Variants in ELMO1 observed in about 807,000 individuals in gnomAD.
ELMO1 encodes the protein engulfment and cell motility protein 1.
ELMO1 carries 26 observed loss-of-function variants against 98.9 expected under a neutral mutation model. That is an observed-to-expected ratio of 0.26 (90% CI 0.19 to 0.36). The LOEUF (loss-of-function observed/expected upper bound fraction) is 0.36. ELMO1 is among the 10% of genes least tolerant of loss of function. The pLI, the probability that ELMO1 is intolerant of heterozygous loss-of-function variation, is 1.00. For synonymous variants in ELMO1, 346 were observed against 346.0 expected, an observed-to-expected ratio of 1.00 and a Z score of 0.00; for missense variants, 627 against 935.2, an observed-to-expected ratio of 0.67 and a Z score of 4.30.
chr7:37,355,531 G>C (rs1801462223), intron 1 of ELMO1, among the ~76,000 whole-genome samples: 1 of 152,214 alleles, frequency 6.6e-6, no homozygotes, highest in Non-Finnish European at 1.5e-5. Context: ...GGAGTTTTTA[G>C]ATTTGAAGTT....
intron 15 of ELMO1, among the ~76,000 whole-genome samples, chr7:37,059,664 A>C: frequency 6.6e-6 from 1 of 152,214 alleles, no homozygotes; most frequent in East Asian, 1.9e-4. Context: ...AGTCATGTGC[A>C]GGAGGCCCCA....
At chr7:37,287,692 T>A (rs927050728) in intron 4 of ELMO1, among the ~76,000 whole-genome samples, 8 of 152,212 alleles carry the variant, frequency 5.3e-5, no homozygotes, top group Non-Finnish European at 1.2e-4. Flanking sequence ...AACCCCAGGA[T>A]AAAATAGTAG....
chr7:37,016,353 C>T (rs1462288392), intron 15 of ELMO1, among the ~76,000 whole-genome samples: 1 of 152,134 alleles, frequency 6.6e-6, no homozygotes, highest in African/African-American at 2.4e-5. Flanking sequence ...TTATGGACAT[C>T]CTCATTTTAT....
intron 16 of ELMO1, chr7:36,986,253 C>A: frequency 2.0e-6 from 2 of 985,436 alleles, no homozygotes; most frequent in East Asian, 1.1e-4. Flanking sequence ...AGGGAAACTC[C>A]TGCTCATTTA....
intron 13 of ELMO1, among the ~76,000 whole-genome samples, chr7:37,205,308 T>C (rs1161642903): frequency 1.3e-5 from 2 of 152,230 alleles, no homozygotes. Context: ...AAATTGTTTC[T>C]GCGAGCCTCT....
intron 16 of ELMO1, among the ~76,000 whole-genome samples, chr7:36,928,557 CA>C (rs1172305122): frequency 1.6e-4 from 24 of 152,102 alleles, no homozygotes; most frequent in Non-Finnish European, 5.9e-5. Flanking sequence ...AGAAATGCAT[CA>C]GGGGCAGCGA....
At chr7:37,183,126 A>T (rs372020268) in intron 13 of ELMO1, among the ~76,000 whole-genome samples, 2 of 152,326 alleles carry the variant, frequency 1.3e-5, no homozygotes, top group South Asian at 4.1e-4. Flanking sequence ...AGGAGCAGAC[A>T]TCCTAAAAAC....
At chr7:37,315,890 T>C (rs1799126734) in intron 3 of ELMO1, 30 bp downstream of exon 3, 1 of 1,567,354 alleles carries the variant, frequency 6.4e-7, no homozygotes, top group East Asian at 2.3e-5. Flanking sequence ...TCAACTAGAA[T>C]GCCTTAGATA....
chr7:36,962,917 G>A (rs1584442832), intron 16 of ELMO1, among the ~76,000 whole-genome samples: 1 of 152,264 alleles, frequency 6.6e-6, no homozygotes, highest in Non-Finnish European at 1.5e-5. Flanking sequence ...AAGTATTACG[G>A]AAAATTGGAA....
intron 14 of ELMO1, among the ~76,000 whole-genome samples, chr7:37,101,904 C>T (rs1477090874): frequency 6.6e-6 from 1 of 152,136 alleles, no homozygotes; most frequent in Non-Finnish European, 1.5e-5. Flanking sequence ...ATAAAGTCCT[C>T]AAACTAAAGC....
At chr7:37,134,558 C>CAAA (rs370768267) in intron 13 of ELMO1, among the ~76,000 whole-genome samples, 2 of 89,240 alleles carry the variant, frequency 2.2e-5, no homozygotes, top group African/African-American at 3.4e-5. Flanking sequence ...GACTCCATCT[C>CAAA]AAAAAAAAAA....
At chr7:37,332,482 A>G (rs1436890202) in intron 2 of ELMO1, among the ~76,000 whole-genome samples, 1 of 152,242 alleles carries the variant, frequency 6.6e-6, no homozygotes, top group Non-Finnish European at 1.5e-5. Flanking sequence ...TCTACACAGC[A>G]AGCACCCTCA....
At chr7:37,071,887 T>TAC (rs1047429917) in intron 15 of ELMO1, among the ~76,000 whole-genome samples, 2 of 151,806 alleles carry the variant, frequency 1.3e-5, no homozygotes, top group Non-Finnish European at 2.9e-5. Flanking sequence ...AGCTTTTAAA[T>TAC]ACACACACAC....
rs369134773 is a variant in ELMO1 at position 37,013,412 on chromosome 7, G to A, written c.1324C>T (p.His442Tyr). ...ELPSETCNDFHPMFFTHDRSF... is the reference protein window; with the variant it reads ...ELPSETCNDFYPMFFTHDRSF... ...CTGTCGTGGGTGAAGAACATCGGGT[G>A]GAAGTCGTTGCAGGTCTCACTAGCT... is the stretch of plus-strand genomic sequence containing the variant. Residue 442 changes from histidine (H) to tyrosine (Y), a missense_variant, in exon 16 of 22, where the codon CAC becomes TAC. Transcript: ENST00000310758. The A allele has an allele frequency of 6.8e-5, 109 of 1,613,948 alleles. No homozygotes were observed. The highest frequency in any genetic ancestry group is 8.8e-5 in the Non-Finnish European group (104 of 1,179,988).
intron 13 of ELMO1, among the ~76,000 whole-genome samples, chr7:37,159,636 T>C (rs191003258): frequency 1.2e-4 from 19 of 152,056 alleles, no homozygotes; most frequent in Non-Finnish European, 2.4e-4. Context: ...GAGGCAGAGG[T>C]TGCTGTGAGC....
intron 14 of ELMO1, among the ~76,000 whole-genome samples, chr7:37,124,837 G>A (rs1455455165): frequency 3.3e-5 from 5 of 151,834 alleles, no homozygotes; most frequent in East Asian, 1.9e-4. Flanking sequence ...AGTCAATCCT[G>A]AGCCAAAAGA....
chr7:37,345,247 C>T (rs2131272037), intron 1 of ELMO1, among the ~76,000 whole-genome samples: 1 of 152,314 alleles, frequency 6.6e-6, no homozygotes, highest in South Asian at 2.1e-4. Context: ...GTCTATTCCC[C>T]ATGCTGAGGA....
chr7:36,904,705 T>A (rs1198249575), intron 16 of ELMO1, among the ~76,000 whole-genome samples: 1 of 152,212 alleles, frequency 6.6e-6, no homozygotes, highest in African/African-American at 2.4e-5. Context: ...TGAAGAACAA[T>A]GTTTATGCAA....
At chr7:37,227,020 A>G (rs1793909595) in intron 8 of ELMO1, among the ~76,000 whole-genome samples, 2 of 152,236 alleles carry the variant, frequency 1.3e-5, no homozygotes, top group South Asian at 4.1e-4. Flanking sequence ...TATTCCAAAA[A>G]AGCCAAAAAT....
Sources: allele counts gnomAD v4.1 joint callset (sites outside exome capture counted in the v4.1 genomes callset), GRCh38; gene constraint gnomAD v4.1.1; transcripts MANE v1.5; gene names NCBI Gene and HGNC (gene_info 2026-07-23, HGNC 2026-07-21).